The following CHEK2 variants were observed in gnomAD, a reference collection of about 807,000 sequenced individuals.
The protein encoded by CHEK2 is checkpoint kinase 2.
Under a neutral mutation model 69.1 loss-of-function variants are expected in CHEK2, and 71 were observed. That is an observed-to-expected ratio of 1.03 (90% CI 0.85 to 1.25). The LOEUF (loss-of-function observed/expected upper bound fraction) is 1.25, where lower values mean the gene tolerates loss of function less well. Among genes scored for constraint, CHEK2 ranks in the 50% most tolerant of loss-of-function variants. CHEK2 has a pLI of 0.00. For missense variants in CHEK2, 664 were observed against 649.6 expected, an observed-to-expected ratio of 1.02 and a Z score of -0.24; for synonymous variants, 189 against 226.9, an observed-to-expected ratio of 0.83 and a Z score of 1.50.
At position 28,696,826 on chromosome 22, in the gene CHEK2, T is replaced by G. The variant is rs2052602453; in HGVS notation, c.1095+75A>C. The G allele has an allele frequency of 4.0e-6, 4 of 1,000,492 alleles. No homozygotes were observed. In the East Asian group the frequency reaches 9.7e-5, roughly 24 times the overall value. 62.0% of individuals were successfully genotyped at this position (1,000,492 alleles called of 1,614,324 possible). ...ATTCTCATCCTTTTTACGCTCCCAC[T>G]TTTTATTTGAGGAATTAAAAGTTTC... is the stretch of plus-strand genomic sequence containing the variant. On this transcript the variant is annotated intron_variant, in intron 10 of 14. Transcript: ENST00000404276.
intron 13 of CHEK2, among the ~76,000 whole-genome samples, chr22:28,689,716 A>G (rs1384882603): frequency 8.0e-4 from 122 of 152,326 alleles, no homozygotes; most frequent in African/African-American, 2.8e-3. Context: ...TTAAGCCCAC[A>G]GTATCCCAGA....
intron 7 of CHEK2, among the ~76,000 whole-genome samples, chr22:28,706,870 C>A (rs566799769): frequency 9.2e-5 from 14 of 152,256 alleles, no homozygotes; most frequent in Admixed American, 8.5e-4. Flanking sequence ...AAGCCGAGAT[C>A]ATGCCACTGC....
chr22:28,726,173 A>G (rs145297135), intron 2 of CHEK2: 1,585 of 152,184 alleles, frequency 0.01, 11 homozygotes, highest in Non-Finnish European at 0.017. Flanking sequence ...ACTGCACTCC[A>G]GCCTGGACGA....
At chr22:28,703,236 C>G (rs953147408) in intron 8 of CHEK2, among the ~76,000 whole-genome samples, 4 of 152,158 alleles carry the variant, frequency 2.6e-5, no homozygotes, top group Admixed American at 6.5e-5. Context: ...TAAACTGACC[C>G]ATGGGTGGTC....
intron 6 of CHEK2, among the ~76,000 whole-genome samples, chr22:28,711,210 T>C (rs898520094): frequency 6.6e-6 from 1 of 152,056 alleles, no homozygotes; most frequent in Non-Finnish European, 1.5e-5. Flanking sequence ...TACAAAAGAG[T>C]AGTAAAATAA....
chr22:28,734,277 G>A, intron 2 of CHEK2, 126 bp downstream of exon 2: 1 of 832,768 alleles, frequency 1.2e-6, no homozygotes, highest in Non-Finnish European at 2.0e-6. Flanking sequence ...CATGCATGAT[G>A]TTCAATTATT....
chr22:28,714,656 C>T (rs1294872159), intron 5 of CHEK2, among the ~76,000 whole-genome samples: 1 of 152,064 alleles, frequency 6.6e-6, no homozygotes, highest in Non-Finnish European at 1.5e-5. Flanking sequence ...TCTAATTTAT[C>T]TATTTTTTCT....
At chr22:28,703,452 CT>C in intron 8 of CHEK2, 52 bp downstream of exon 8, 1 of 963,232 alleles carries the variant, frequency 1.0e-6, no homozygotes, top group Non-Finnish European at 1.6e-6. Flanking sequence ...TCTTTGGTGG[CT>C]TTATAAAGCA....
intron 1 of CHEK2, among the ~76,000 whole-genome samples, chr22:28,735,053 C>A (rs965404731): frequency 2.6e-5 from 4 of 152,034 alleles, no homozygotes; most frequent in Admixed American, 6.6e-5. Flanking sequence ...TTGTCCAATT[C>A]TTTTAAATTA....
chr22:28,708,116 G>A (rs1268195088), intron 7 of CHEK2, among the ~76,000 whole-genome samples: 1 of 151,856 alleles, frequency 6.6e-6, no homozygotes, highest in African/African-American at 2.4e-5. Flanking sequence ...TGGGATTACA[G>A]GCGTGAGCCA....
intron 8 of CHEK2, among the ~76,000 whole-genome samples, chr22:28,700,240 C>G (rs2052787179): frequency 6.7e-6 from 1 of 149,316 alleles, no homozygotes; most frequent in Non-Finnish European, 1.5e-5. Flanking sequence ...GAGACAGAGC[C>G]TCGCTCTGTC....
intron 5 of CHEK2, among the ~76,000 whole-genome samples, chr22:28,714,524 C>T (rs935406929): frequency 6.6e-6 from 1 of 152,142 alleles, no homozygotes; most frequent in African/African-American, 2.4e-5. Context: ...ATGTCTTTAT[C>T]TATTCTAGAC....
intron 4 of CHEK2, among the ~76,000 whole-genome samples, chr22:28,721,283 T>C (rs1380731984): frequency 2.1e-5 from 3 of 140,524 alleles, no homozygotes; most frequent in African/African-American, 8.0e-5. Flanking sequence ...TTGTTTGGGT[T>C]TTTTTTTTTT....
intron 2 of CHEK2, among the ~76,000 whole-genome samples, chr22:28,733,107 CAT>C (rs2054266609): frequency 6.6e-6 from 1 of 152,302 alleles, no homozygotes; most frequent in Non-Finnish European, 1.5e-5. Flanking sequence ...AAAATACACA[CAT>C]GTGTATTTTA....
intron 1 of CHEK2, among the ~76,000 whole-genome samples, chr22:28,740,047 G>A (rs2054511532): frequency 1.3e-5 from 2 of 151,836 alleles, no homozygotes. Flanking sequence ...CTAAAAATAC[G>A]AAACTTAGCT....
At chr22:28,693,439 A>G (rs2052440494) in intron 13 of CHEK2, among the ~76,000 whole-genome samples, 1 of 152,152 alleles carries the variant, frequency 6.6e-6, no homozygotes, top group Admixed American at 6.6e-5. Flanking sequence ...CTCCCCAGGG[A>G]GGCTGTCCTC....
chr22:28,727,296 C>T (rs1008330188), intron 2 of CHEK2, among the ~76,000 whole-genome samples: 1 of 152,212 alleles, frequency 6.6e-6, no homozygotes, highest in Admixed American at 6.5e-5. Context: ...CCGCCTCGGC[C>T]TCCCAAAGTG....
intron 5 of CHEK2, among the ~76,000 whole-genome samples, chr22:28,713,711 C>T (rs953775726): frequency 1.3e-5 from 2 of 151,026 alleles, no homozygotes; most frequent in Non-Finnish European, 2.9e-5. Flanking sequence ...GATATAGGCT[C>T]GATCTGTCAC....
intron 5 of CHEK2, among the ~76,000 whole-genome samples, chr22:28,712,781 C>T (rs772986795): frequency 6.6e-6 from 1 of 152,082 alleles, no homozygotes; most frequent in Non-Finnish European, 1.5e-5. Flanking sequence ...GAGGGGCTTA[C>T]CAAGACATCT....
Sources: allele counts gnomAD v4.1 joint callset (sites outside exome capture counted in the v4.1 genomes callset), GRCh38; gene constraint gnomAD v4.1.1; transcripts MANE v1.5; gene names NCBI Gene and HGNC (gene_info 2026-07-23, HGNC 2026-07-21).